Variants in DSCAM observed in about 807,000 individuals in gnomAD.
The protein encoded by DSCAM is cell adhesion molecule DSCAM.
Under a neutral mutation model 217.7 loss-of-function variants are expected in DSCAM, and 47 were observed. That is an observed-to-expected ratio of 0.22 (90% confidence interval 0.17 to 0.28). DSCAM has a LOEUF of 0.28. Among genes scored for constraint, DSCAM ranks in the 10% least tolerant of loss-of-function variants. The probability of loss-of-function intolerance (pLI) is 1.00; values close to 1 mark genes in which losing one functional copy is unlikely to be tolerated. For missense variants in DSCAM, 2,080 were observed against 2,618.3 expected, an observed-to-expected ratio of 0.79 and a Z score of 4.49; for synonymous variants, 1,056 against 1,015.3, an observed-to-expected ratio of 1.04 and a Z score of -0.76.
chr21:40,266,634 T>TA (rs1315589047), intron 11 of DSCAM, among the ~76,000 whole-genome samples: 18 of 99,968 alleles, frequency 1.8e-4, no homozygotes, highest in East Asian at 7.5e-4. Context: ...ACAAAGATGT[T>TA]TTATATATAT....
At chr21:40,150,478 T>C (rs969571307) in intron 16 of DSCAM, among the ~76,000 whole-genome samples, 1 of 152,242 alleles carries the variant, frequency 6.6e-6, no homozygotes, top group Non-Finnish European at 1.5e-5. Flanking sequence ...TCCTTGTGGA[T>C]GTATTTTAAA....
chr21:40,603,807 T>A (rs2077080826), intron 3 of DSCAM, among the ~76,000 whole-genome samples: 1 of 152,134 alleles, frequency 6.6e-6, no homozygotes, highest in African/African-American at 2.4e-5. Flanking sequence ...GTATAATTCT[T>A]AGCTTTGTCT....
rs189777383 is a variant in DSCAM, at chr21:40,722,654, G to A, written c.44-13883C>T. Among the ~76,000 whole-genome samples, 13 of 152,192 alleles carry A rather than the reference G, an allele frequency of 8.5e-5. No individual in the cohort carries two copies. The East Asian group carries it at 2.5e-3, about 29-fold the overall frequency. On this transcript the variant is annotated intron_variant, in intron 1 of 32. Coordinates refer to ENST00000400454, the MANE Select transcript of DSCAM (RefSeq NM_001389.5). ...AGATAGAAAAAATAGGGAGCAATTAGCAAGATGATAGGTTTAAACGAAACC... is the reference window on the plus strand; with the variant it reads ...AGATAGAAAAAATAGGGAGCAATTAACAAGATGATAGGTTTAAACGAAACC...
At chr21:40,244,294 T>C (rs1337259854) in intron 11 of DSCAM, among the ~76,000 whole-genome samples, 2 of 151,880 alleles carry the variant, frequency 1.3e-5, no homozygotes, top group African/African-American at 4.8e-5. Context: ...CTACTAAAAA[T>C]ACAAAAATTA....
At chr21:40,273,300 G>C (rs1445497869) in intron 11 of DSCAM, among the ~76,000 whole-genome samples, 1 of 152,192 alleles carries the variant, frequency 6.6e-6, no homozygotes, top group African/African-American at 2.4e-5. Context: ...GGCCTAGAGA[G>C]ATAAACTAAT....
At chr21:40,055,694 T>G in intron 29 of DSCAM, 31 bp downstream of exon 29, 1 of 1,563,168 alleles carries the variant, frequency 6.4e-7, no homozygotes, top group African/African-American at 1.3e-5. Context: ...TGGCAGCCAC[T>G]TTGTGTAAAG....
At chr21:40,342,539 AT>A (rs969610248) in intron 6 of DSCAM, among the ~76,000 whole-genome samples, 10 of 145,244 alleles carry the variant, frequency 6.9e-5, no homozygotes, top group African/African-American at 2.3e-4. Context: ...ATTAATACTC[AT>A]TTTTTTGCCA....
intron 3 of DSCAM, among the ~76,000 whole-genome samples, chr21:40,483,799 C>T (rs2076002743): frequency 6.6e-6 from 1 of 152,128 alleles, no homozygotes; most frequent in African/African-American, 2.4e-5. Flanking sequence ...GCGTGGGCTC[C>T]CTGGTACACA....
At chr21:40,695,103 C>T (rs2090582153) in intron 2 of DSCAM, among the ~76,000 whole-genome samples, 1 of 152,132 alleles carries the variant, frequency 6.6e-6, no homozygotes, top group Non-Finnish European at 1.5e-5. Context: ...CTCCCCAAAC[C>T]TTCCGCAGAC....
chr21:40,122,524 C>A (rs1211697453), intron 20 of DSCAM, among the ~76,000 whole-genome samples: 1 of 152,116 alleles, frequency 6.6e-6, no homozygotes, highest in Non-Finnish European at 1.5e-5. Context: ...TTGGTGAATA[C>A]GGGACATGTC....
chr21:40,133,972 A>C lies in DSCAM; in HGVS notation c.3444T>G (p.Pro1148=). ...TTTCCAGCCCGTCCAGCTCCAGTGA[A>C]GGCTGTGTGGTGGTGATGTTTTTAA... ...GEIKNITTTQ[P]SLELDGLEKY... Residue 1148 remains proline, a synonymous_variant, in exon 19 of 33, where the codon CCT becomes CCG. Transcript: ENST00000400454. 1 of 1,613,292 alleles carries C rather than the reference A, an allele frequency of 6.2e-7. No homozygotes were observed. The highest frequency in any genetic ancestry group is 1.3e-5 in the African/African-American group (1 of 74,940).
rs1183864786 is a variant in DSCAM, at chr21:40,114,278, T to C, written c.3696+9917A>G. Among the ~76,000 whole-genome samples the C allele has an allele frequency of 3.4e-5, 5 of 147,396 alleles. No homozygotes were observed. The East Asian group carries it at 1.0e-3, about 29-fold the overall frequency. ...ATGCTCCATATCTACAACTATCTGA[T>C]CTTTGACAAACCTGAGAAAAACAAG... is the stretch of plus-strand genomic sequence containing the variant. On this transcript the variant is annotated intron_variant, in intron 20 of 32. Coordinates refer to ENST00000400454, the MANE Select transcript of DSCAM (RefSeq NM_001389.5).
At chr21:40,491,610 C>T (rs2076076707) in intron 3 of DSCAM, among the ~76,000 whole-genome samples, 1 of 152,154 alleles carries the variant, frequency 6.6e-6, no homozygotes, top group South Asian at 2.1e-4. Flanking sequence ...CTCCCATTTC[C>T]TCTCTGTCCT....
At chr21:40,490,539 G>T (rs1031287579) in intron 3 of DSCAM, among the ~76,000 whole-genome samples, 1 of 152,116 alleles carries the variant, frequency 6.6e-6, no homozygotes, top group African/African-American at 2.4e-5. Context: ...AGGAGGTTAG[G>T]GTTGGGAAGT....
chr21:40,642,042 C>CAAAA (rs67361149), intron 3 of DSCAM, among the ~76,000 whole-genome samples: 1 of 89,212 alleles, frequency 1.1e-5, no homozygotes, highest in Non-Finnish European at 2.1e-5. Context: ...GACTCTGTCT[C>CAAAA]AAAAAAAAAA....
At chr21:40,076,983 C>T (rs964043087) in intron 26 of DSCAM, among the ~76,000 whole-genome samples, 14 of 152,306 alleles carry the variant, frequency 9.2e-5, no homozygotes, top group African/African-American at 2.2e-4. Context: ...AACCATATTA[C>T]AGGGAGAGGC....
intron 14 of DSCAM, among the ~76,000 whole-genome samples, chr21:40,186,617 T>C (rs887165580): frequency 6.6e-6 from 1 of 152,158 alleles, no homozygotes; most frequent in Non-Finnish European, 1.5e-5. Flanking sequence ...GTGTCGCCGA[T>C]GGTCCCTGAG....
chr21:40,275,290 A>C (rs1440378530), intron 11 of DSCAM, among the ~76,000 whole-genome samples: 1 of 152,156 alleles, frequency 6.6e-6, no homozygotes, highest in Non-Finnish European at 1.5e-5. Flanking sequence ...TGATGGCACC[A>C]CTGCACTCTA....
At chr21:40,237,104 A>G (rs556854007) in intron 11 of DSCAM, among the ~76,000 whole-genome samples, 1 of 152,336 alleles carries the variant, frequency 6.6e-6, no homozygotes, top group African/African-American at 2.4e-5. Context: ...CTGCTGGAAT[A>G]AGTTCTCACT....
Sources: gnomAD v4.1 joint callset for allele counts (sites outside exome capture counted in the v4.1 genomes callset) on GRCh38, gnomAD v4.1.1 for gene constraint, MANE v1.5 for transcripts, NCBI Gene and HGNC (gene_info 2026-07-23, HGNC 2026-07-21) for gene names.